Variants in EBF1 observed in about 807,000 individuals in gnomAD.
EBF1 encodes EBF transcription factor 1.
In EBF1, 10 loss-of-function variants were observed where a neutral mutation model predicts 68.4. That is an observed-to-expected ratio of 0.15 (90% confidence interval 0.09 to 0.25). The LOEUF (loss-of-function observed/expected upper bound fraction) is 0.25. Among genes scored for constraint, EBF1 ranks in the 10% least tolerant of loss-of-function variants. The pLI is 1.00. For missense variants in EBF1, 509 were observed against 794.4 expected, an observed-to-expected ratio of 0.64 and a Z score of 4.32; for synonymous variants, 298 against 299.8, an observed-to-expected ratio of 0.99 and a Z score of 0.06.
At chr5:158,994,311 A>C (rs535437991) in intron 6 of EBF1, among the ~76,000 whole-genome samples, 7 of 152,376 alleles carry the variant, frequency 4.6e-5, no homozygotes, top group Admixed American at 2.0e-4. Context: ...GATTCCAGAT[A>C]TTATTTGGGT....
chr5:158,921,287 T>C (rs1158945731), intron 6 of EBF1, among the ~76,000 whole-genome samples: 1 of 152,202 alleles, frequency 6.6e-6, no homozygotes, highest in Non-Finnish European at 1.5e-5. Context: ...ATAGATGAAA[T>C]CTACACCTTA....
intron 10 of EBF1, among the ~76,000 whole-genome samples, chr5:158,760,129 G>A (rs1038192267): frequency 4.6e-5 from 7 of 151,994 alleles, no homozygotes; most frequent in Admixed American, 1.3e-4. Context: ...ATAAATTCAC[G>A]GTTATCACAA....
At chr5:158,752,983 G>A (rs1769257155) in intron 10 of EBF1, among the ~76,000 whole-genome samples, 1 of 151,986 alleles carries the variant, frequency 6.6e-6, no homozygotes, top group Non-Finnish European at 1.5e-5. Flanking sequence ...GAAAGAAAGG[G>A]TATGTTCTTT....
intron 6 of EBF1, among the ~76,000 whole-genome samples, chr5:159,053,728 A>C (rs1312633706): frequency 1.3e-5 from 2 of 152,190 alleles, no homozygotes; most frequent in Non-Finnish European, 2.9e-5. Flanking sequence ...AAATGAGTAT[A>C]TGTACCCCGG....
intron 8 of EBF1, among the ~76,000 whole-genome samples, chr5:158,822,048 AC>A (rs1195357440): frequency 4.6e-5 from 7 of 152,146 alleles, no homozygotes. Flanking sequence ...GGAGTTTTCT[AC>A]CTTGTAAATT....
intron 6 of EBF1, among the ~76,000 whole-genome samples, chr5:159,039,282 C>G (rs1770721531): frequency 6.6e-6 from 1 of 152,144 alleles, no homozygotes; most frequent in South Asian, 2.1e-4. Context: ...AATTATTATT[C>G]CCCTCTCTTC....
At chr5:158,776,990 T>C (rs2127677381) in intron 10 of EBF1, among the ~76,000 whole-genome samples, 1 of 152,272 alleles carries the variant, frequency 6.6e-6, no homozygotes, top group East Asian at 1.9e-4. Context: ...CAACCCAGAA[T>C]TAAATATGAA....
chr5:158,912,602 C>T (rs530218282), intron 6 of EBF1, among the ~76,000 whole-genome samples: 2 of 152,276 alleles, frequency 1.3e-5, no homozygotes, highest in South Asian at 2.1e-4. Flanking sequence ...TACTCTCAGG[C>T]GATTCTGACG....
At chr5:158,790,721 A>T (rs1325468028) in intron 9 of EBF1, among the ~76,000 whole-genome samples, 2 of 152,186 alleles carry the variant, frequency 1.3e-5, no homozygotes, top group African/African-American at 2.4e-5. Context: ...CTTCCATAAC[A>T]TTATCTAGAA....
In EBF1 at chr5:159,043,428, T is replaced by A. The variant is rs140046247; in HGVS notation, c.554+29968A>T. Among the ~76,000 whole-genome samples the A allele has an allele frequency of 3.0e-4, 45 of 152,300 alleles. No individual in the cohort carries two copies. In the East Asian group the frequency reaches 8.7e-3, roughly 29 times the overall value. On this transcript the variant is annotated intron_variant, in intron 6 of 15. Coordinates refer to ENST00000313708, the MANE Select transcript of EBF1 (RefSeq NM_024007.5). Reference sequence around the variant, plus strand: ...GTAATTTTACCTTTATTTATGTGATTCTTTGAATGACTGTCTCTCCCACTA... The same window carrying A: ...GTAATTTTACCTTTATTTATGTGATACTTTGAATGACTGTCTCTCCCACTA...
At chr5:158,882,849 TG>T (rs1448380246) in intron 6 of EBF1, among the ~76,000 whole-genome samples, 3 of 152,216 alleles carry the variant, frequency 2.0e-5, no homozygotes, top group Non-Finnish European at 4.4e-5. Flanking sequence ...CCCAAGACGG[TG>T]CAGAGCCCCG....
At chr5:158,940,030 A>G (rs1211658540) in intron 6 of EBF1, among the ~76,000 whole-genome samples, 1 of 152,132 alleles carries the variant, frequency 6.6e-6, no homozygotes, top group African/African-American at 2.4e-5. Flanking sequence ...TCTCTTTCTA[A>G]CTGCAGCACC....
chr5:158,753,038 G>A (rs753482351), intron 10 of EBF1, among the ~76,000 whole-genome samples: 42 of 151,976 alleles, frequency 2.8e-4, no homozygotes, highest in Non-Finnish European at 4.1e-4. Flanking sequence ...GCTCAACACC[G>A]CAAAAATAAT....
At chr5:158,978,106 C>T (rs1344206915) in intron 6 of EBF1, among the ~76,000 whole-genome samples, 17 of 152,190 alleles carry the variant, frequency 1.1e-4, no homozygotes, top group Non-Finnish European at 2.4e-4. Context: ...GGCTGATGGG[C>T]CTTGGCCATA....
intron 6 of EBF1, among the ~76,000 whole-genome samples, chr5:159,011,557 A>G (rs2127681644): frequency 6.6e-6 from 1 of 152,352 alleles, no homozygotes; most frequent in East Asian, 1.9e-4. Context: ...TTTCAGCAGA[A>G]TGGAAGCGGG....
intron 9 of EBF1, among the ~76,000 whole-genome samples, chr5:158,785,318 A>AT (rs1201817119): frequency 6.6e-6 from 1 of 152,102 alleles, no homozygotes; most frequent in East Asian, 1.9e-4. Context: ...AAAATATATT[A>AT]TTTTCAGGGT....
chr5:159,095,889 AGC>A (rs1196926511), intron 3 of EBF1, among the ~76,000 whole-genome samples: 1 of 152,238 alleles, frequency 6.6e-6, no homozygotes, highest in Non-Finnish European at 1.5e-5. Flanking sequence ...GCCTTGCCTT[AGC>A]GCTCCTGGAA....
At chr5:158,885,815 C>T (rs1799925950) in intron 6 of EBF1, among the ~76,000 whole-genome samples, 1 of 152,238 alleles carries the variant, frequency 6.6e-6, no homozygotes, top group Admixed American at 6.5e-5. Context: ...AACCATTATT[C>T]TCTGCCATGA....
chr5:158,786,268 C>T (rs1777425662), intron 9 of EBF1, among the ~76,000 whole-genome samples: 1 of 152,122 alleles, frequency 6.6e-6, no homozygotes, highest in Middle Eastern at 3.4e-3. Context: ...TAACCAGGTC[C>T]CGAAATCAAT....
Sources: gnomAD v4.1 joint callset for allele counts (sites outside exome capture counted in the v4.1 genomes callset) on GRCh38, gnomAD v4.1.1 for gene constraint, MANE v1.5 for transcripts, NCBI Gene and HGNC (gene_info 2026-07-23, HGNC 2026-07-21) for gene names.